CA12: variants seen among roughly 807,000 people sequenced by gnomAD.
CA12 encodes the protein carbonic anhydrase 12.
A neutral mutation model predicts 46.8 loss-of-function variants in CA12; 36 were observed. The observed-to-expected ratio is 0.77, with a 90% CI of 0.59 to 1.02. The LOEUF (loss-of-function observed/expected upper bound fraction) is 1.02, where lower values mean the gene tolerates loss of function less well. Among genes scored for constraint, CA12 ranks in the 50% least tolerant of loss-of-function variants. The probability of loss-of-function intolerance (pLI) is 0.00; values close to 1 mark genes in which losing one functional copy is unlikely to be tolerated. For synonymous variants in CA12, 202 were observed against 187.0 expected, an observed-to-expected ratio of 1.08 and a Z score of -0.65; for missense variants, 436 against 451.4, an observed-to-expected ratio of 0.97 and a Z score of 0.31.
In CA12 at chr15:63,345,801, C is replaced by G. The variant is rs569504602; in HGVS notation, c.287-182G>C. On this transcript the variant is annotated intron_variant, in intron 3 of 10. Coordinates refer to ENST00000178638, the MANE Select transcript of CA12 (RefSeq NM_001218.5). The surrounding 1 kb of genome is among the most constrained non-coding windows in gnomAD (Gnocchi z 4.3). ...TAAAGGTCAGACACCTGGGCTCTTTCCCTGAGAATGTTCCCTTTTCCCCAA... is the reference window on the plus strand; with the variant it reads ...TAAAGGTCAGACACCTGGGCTCTTTGCCTGAGAATGTTCCCTTTTCCCCAA... 4.6e-5 allele frequency among the ~76,000 whole-genome samples: 7 copies of G among 152,338 alleles called. No individual in the cohort carries two copies. In the East Asian group the frequency reaches 1.3e-3, roughly 29 times the overall value.
chr15:63,340,317 G>C lies in CA12; in HGVS notation c.718C>G (p.Arg240Gly). ...CNPTVLWTVF[R>G]NPVQISQEQL... Reference sequence around the variant, plus strand: ...TCCTGGGAAATTTGCACGGGGTTTCGGAAAACTGTCCAGAGCACAGTGGGG... The same window carrying C: ...TCCTGGGAAATTTGCACGGGGTTTCCGAAAACTGTCCAGAGCACAGTGGGG... Residue 240 changes from arginine (R) to glycine (G), a missense_variant, in exon 7 of 11, where the codon CGA becomes GGA. Coordinates refer to ENST00000178638, the MANE Select transcript of CA12 (RefSeq NM_001218.5). This position sits in a 1 kb window ranked among gnomAD's most constrained non-coding sequence, Gnocchi z 4.4. 1.9e-6 allele frequency: 3 copies of C among 1,614,150 alleles called. No homozygotes were observed. Among genetic ancestry groups the C allele is most frequent in the Non-Finnish European group, 2.5e-6 (3 of 1,180,026 alleles).
At chr15:63,369,221 C>T (rs1007493839) in intron 2 of CA12, among the ~76,000 whole-genome samples, 3 of 152,170 alleles carry the variant, frequency 2.0e-5, no homozygotes, top group African/African-American at 7.2e-5. Flanking sequence ...AGGAGTATTT[C>T]CTGGCTGTAA....
In CA12 at chr15:63,340,603, C is replaced by G; in HGVS notation, c.589+117G>C. 2 of 1,403,426 alleles carry G rather than the reference C, an allele frequency of 1.4e-6. No individual in the cohort carries two copies. Among genetic ancestry groups the G allele is most frequent in the Admixed American group, 1.7e-5 (1 of 59,378 alleles). 86.9% of individuals were successfully genotyped at this position (1,403,426 alleles called of 1,614,324 possible). A position where few individuals can be genotyped will look rare whatever the true frequency, so the allele number is the denominator to read the frequency against. ...CAACATTGTTCAACAACCTGCTGCT[C>G]TTAACCTGGTGAACACAGACAGCAC... On this transcript the variant is annotated intron_variant, in intron 6 of 10. Transcript: ENST00000178638. The surrounding 1 kb of genome is among the most constrained non-coding windows in gnomAD (Gnocchi z 4.4).
chr15:63,332,331 A>C (rs777746799), intron 8 of CA12, among the ~76,000 whole-genome samples: 1 of 152,266 alleles, frequency 6.6e-6, no homozygotes, highest in Non-Finnish European at 1.5e-5. Context: ...GAATTGCTAC[A>C]AAGAAATCTG....
At chr15:63,365,890 G>A (rs912650487) in intron 2 of CA12, among the ~76,000 whole-genome samples, 1 of 152,182 alleles carries the variant, frequency 6.6e-6, no homozygotes, top group African/African-American at 2.4e-5. Context: ...TATAATCTCA[G>A]CACTTTGGGA....
chr15:63,381,455 G>A (rs894407208), intron 1 of CA12, among the ~76,000 whole-genome samples, 181 bp downstream of exon 1: 15 of 152,222 alleles, frequency 9.9e-5, no homozygotes, highest in Non-Finnish European at 1.6e-4. Context: ...AGAAAGCAAC[G>A]TGCTTCCCGA....
rs1052979668 is a variant in CA12, at chr15:63,345,286, G to A, written c.429+191C>T. On this transcript the variant is annotated intron_variant, in intron 4 of 10. Coordinates refer to ENST00000178638, the MANE Select transcript of CA12 (RefSeq NM_001218.5). This position sits in a 1 kb window ranked among gnomAD's most constrained non-coding sequence, Gnocchi z 4.3. ...CTTAGCATGTTCAGGAGAAGAAAGGGACCAGGACAGTGCAGATGAGCTACA... is the reference window on the plus strand; with the variant it reads ...CTTAGCATGTTCAGGAGAAGAAAGGAACCAGGACAGTGCAGATGAGCTACA... Among the ~76,000 whole-genome samples, 2 of 152,216 alleles carry A rather than the reference G, an allele frequency of 1.3e-5. No homozygotes were observed. The highest frequency in any genetic ancestry group is 4.8e-5 in the African/African-American group (2 of 41,458).
chr15:63,335,515 G>A lies in CA12; in HGVS notation c.874+3304C>T, dbSNP rs569857116. On this transcript the variant is annotated intron_variant, in intron 8 of 10. Transcript: ENST00000178638. Reference sequence around the variant, plus strand: ...GTCTCACTCTGTCACCCAAGCTGGAGTGCAGTGGTGTGATCATGGCTCACT... The same window carrying A: ...GTCTCACTCTGTCACCCAAGCTGGAATGCAGTGGTGTGATCATGGCTCACT... Among the ~76,000 whole-genome samples the A allele has an allele frequency of 5.9e-5, 9 of 151,368 alleles. No individual in the cohort carries two copies. In the East Asian group the frequency reaches 1.7e-3, roughly 29 times the overall value.
chr15:63,346,789 C>T, intron 2 of CA12, 80 bp from the exon 3 acceptor site: 3 of 1,455,634 alleles, frequency 2.1e-6, no homozygotes, highest in Non-Finnish European at 2.9e-6. Flanking sequence ...CTGTTCAATA[C>T]AATTACTCCT....
At chr15:63,362,263 C>T (rs2039372963) in intron 2 of CA12, among the ~76,000 whole-genome samples, 1 of 152,228 alleles carries the variant, frequency 6.6e-6, no homozygotes, top group Non-Finnish European at 1.5e-5. Context: ...TTACTGCAAT[C>T]TGAATAACAA....
At chr15:63,359,618 T>C (rs1453957209) in intron 2 of CA12, among the ~76,000 whole-genome samples, 1 of 152,136 alleles carries the variant, frequency 6.6e-6, no homozygotes, top group Non-Finnish European at 1.5e-5. Flanking sequence ...TTCTCTAAGA[T>C]CTATATGCTA....
rs1372178833 is a variant in CA12 at position 63,323,970 on chromosome 15, CAG to C, written c.*2313_*2314del. ...TTCCACCTAGGCATCTGCCATGCAG[CAG>C]AGTTAGGAGCGTGTGGGCGGCTGCT... On this transcript the variant is annotated 3_prime_UTR_variant, in exon 11 of 11. Coordinates refer to ENST00000178638, the MANE Select transcript of CA12 (RefSeq NM_001218.5). This position sits in a 1 kb window ranked among gnomAD's most constrained non-coding sequence, Gnocchi z 5.1. 6.6e-6 allele frequency: 1 copy of C among 152,258 alleles called. No homozygotes were observed. Among genetic ancestry groups the C allele is most frequent in the Non-Finnish European group, 1.5e-5 (1 of 68,084 alleles). 9.4% of individuals were successfully genotyped at this position (152,258 alleles called of 1,614,324 possible). A position where few individuals can be genotyped will look rare whatever the true frequency, so the allele number is the denominator to read the frequency against.
chr15:63,333,042 C>T (rs2038955918), intron 8 of CA12, among the ~76,000 whole-genome samples: 1 of 152,188 alleles, frequency 6.6e-6, no homozygotes, highest in Admixed American at 6.5e-5. Flanking sequence ...TCTGGCTGCA[C>T]TGAGGGAGAT....
At chr15:63,332,461 G>A (rs1038586576) in intron 8 of CA12, among the ~76,000 whole-genome samples, 3 of 152,168 alleles carry the variant, frequency 2.0e-5, no homozygotes, top group African/African-American at 7.2e-5. Flanking sequence ...TGCTCTGAAG[G>A]GCCTAAATCC....
intron 2 of CA12, 191 bp downstream of exon 2, chr15:63,375,467 G>GA: frequency 1.8e-6 from 1 of 547,564 alleles, no homozygotes; most frequent in South Asian, 2.4e-5. Context: ...CCTGCTTGGA[G>GA]AAAGTGCAGT....
intron 2 of CA12, among the ~76,000 whole-genome samples, chr15:63,361,015 A>G (rs1372131113): frequency 6.6e-6 from 1 of 152,130 alleles, no homozygotes; most frequent in Admixed American, 6.6e-5. Context: ...CTGACACTTG[A>G]GGTGGCATCG....
chr15:63,375,796 A>G (rs1013232052), intron 1 of CA12, 118 bp from the exon 2 acceptor site: 19 of 735,914 alleles, frequency 2.6e-5, no homozygotes, highest in Non-Finnish European at 4.2e-5. Flanking sequence ...CCAGAAATTG[A>G]AACTTTTTCT....
At chr15:63,381,451 C>T (rs1246433857) in intron 1 of CA12, among the ~76,000 whole-genome samples, 185 bp downstream of exon 1, 1 of 152,252 alleles carries the variant, frequency 6.6e-6, no homozygotes. Flanking sequence ...CACTAGAAAG[C>T]AACGTGCTTC....
In CA12 at chr15:63,345,441, C is replaced by G; in HGVS notation, c.429+36G>C. The G allele has an allele frequency of 6.2e-7, 1 of 1,601,424 alleles. No individual in the cohort carries two copies. The highest frequency in any genetic ancestry group is 8.5e-7 in the Non-Finnish European group (1 of 1,179,740). On this transcript the variant is annotated intron_variant, in intron 4 of 10. Coordinates refer to ENST00000178638, the MANE Select transcript of CA12 (RefSeq NM_001218.5). This position sits in a 1 kb window ranked among gnomAD's most constrained non-coding sequence, Gnocchi z 4.3. Reference sequence around the variant, plus strand: ...CGAGAAGGTGCCACACCACCCACTGCAGAGCAGCCTCTGCCAGACTGGCAG... The same window carrying G: ...CGAGAAGGTGCCACACCACCCACTGGAGAGCAGCCTCTGCCAGACTGGCAG...
Sources: gnomAD v4.1 joint callset for allele counts (sites outside exome capture counted in the v4.1 genomes callset) on GRCh38, gnomAD v4.1.1 for gene constraint, Gnocchi (gnomAD v3.1) non-coding constraint, MANE v1.5 for transcripts, NCBI Gene and HGNC (gene_info 2026-07-23, HGNC 2026-07-21) for gene names.